Variants in ZNF385D observed in about 807,000 individuals in gnomAD.
The protein encoded by ZNF385D is zinc finger protein 385D, also known as zinc finger protein 659.
Under a neutral mutation model 35.8 loss-of-function variants are expected in ZNF385D, and 15 were observed. The ratio of observed to expected loss-of-function variants is 0.42; its 90% confidence interval spans 0.28 to 0.64. The LOEUF (loss-of-function observed/expected upper bound fraction) is 0.64. Ranked by LOEUF, ZNF385D falls within the 30% of genes least tolerant of loss-of-function variation. ZNF385D has a pLI of 0.23. For synonymous variants in ZNF385D, 212 were observed against 186.8 expected, an observed-to-expected ratio of 1.13 and a Z score of -1.10; for missense variants, 474 against 494.6, an observed-to-expected ratio of 0.96 and a Z score of 0.39.
intron 4 of ZNF385D, among the ~76,000 whole-genome samples, chr3:21,462,125 A>G (rs1413321653): frequency 6.6e-6 from 1 of 152,182 alleles, no homozygotes; most frequent in Non-Finnish European, 1.5e-5. Flanking sequence ...ATAATCCCTT[A>G]GACTAGAAAC....
chr3:22,244,968 T>G (rs1272802233), intron 2 of ZNF385D, among the ~76,000 whole-genome samples: 1 of 152,112 alleles, frequency 6.6e-6, no homozygotes, highest in African/African-American at 2.4e-5. Flanking sequence ...CATAGCCTGG[T>G]TCCAAATGGC....
intron 3 of ZNF385D, among the ~76,000 whole-genome samples, chr3:22,004,860 T>C (rs570362323): frequency 1.1e-4 from 16 of 152,128 alleles, no homozygotes; most frequent in Middle Eastern, 6.8e-3. Flanking sequence ...CTCACATATA[T>C]TGATTGATGT....
chr3:21,754,379 G>T (rs1212195742), upstream of ZNF385D, among the ~76,000 whole-genome samples: 2 of 152,128 alleles, frequency 1.3e-5, no homozygotes, highest in African/African-American at 4.8e-5. Context: ...TTCTGAAGGT[G>T]AATTAAGTCA....
chr3:21,732,567 C>G (rs2069070284), intron 1 of ZNF385D, among the ~76,000 whole-genome samples: 1 of 152,118 alleles, frequency 6.6e-6, no homozygotes, highest in African/African-American at 2.4e-5. Flanking sequence ...TGTCAGTGTT[C>G]TGGATTTTGA....
chr3:21,920,109 A>C (rs1207485221), intron 3 of ZNF385D, among the ~76,000 whole-genome samples: 1 of 152,222 alleles, frequency 6.6e-6, no homozygotes, highest in Admixed American at 6.5e-5. Context: ...GGTTAAAAGG[A>C]AACAAACAAA....
At chr3:21,431,306 A>G (rs1001574659) in intron 5 of ZNF385D, among the ~76,000 whole-genome samples, 6 of 152,156 alleles carry the variant, frequency 3.9e-5, no homozygotes, top group Non-Finnish European at 7.4e-5. Flanking sequence ...AAATTAGTAA[A>G]CCCTAAATGC....
chr3:21,447,970 C>A (rs1702245261), intron 4 of ZNF385D, among the ~76,000 whole-genome samples: 1 of 152,146 alleles, frequency 6.6e-6, no homozygotes, highest in African/African-American at 2.4e-5. Flanking sequence ...TAATTTAGAA[C>A]ATTATCCCAT....
At chr3:21,870,575 C>T (rs1257838964) in intron 3 of ZNF385D, among the ~76,000 whole-genome samples, 1 of 152,138 alleles carries the variant, frequency 6.6e-6, no homozygotes, top group African/African-American at 2.4e-5. Context: ...TATTTATGAT[C>T]AATAAATGTC....
intron 3 of ZNF385D, among the ~76,000 whole-genome samples, chr3:22,031,691 T>A (rs1164116405): frequency 6.6e-6 from 1 of 152,150 alleles, no homozygotes; most frequent in Non-Finnish European, 1.5e-5. Flanking sequence ...TTTTCCCCAT[T>A]GTGCTGGTTA....
At chr3:21,850,577 G>A (rs1439916419) in intron 3 of ZNF385D, among the ~76,000 whole-genome samples, 2 of 152,124 alleles carry the variant, frequency 1.3e-5, no homozygotes, top group East Asian at 3.9e-4. Context: ...TAAATTAAAT[G>A]ATTAAGGTAA....
At chr3:22,076,206 A>G (rs983431587) in intron 3 of ZNF385D, among the ~76,000 whole-genome samples, 2 of 151,872 alleles carry the variant, frequency 1.3e-5, no homozygotes, top group Admixed American at 6.6e-5. Context: ...CACCAATTCA[A>G]AAGTCCTCAT....
chr3:22,348,542 T>C (rs1695767280), intron 2 of ZNF385D, among the ~76,000 whole-genome samples: 1 of 148,124 alleles, frequency 6.8e-6, no homozygotes, highest in African/African-American at 2.5e-5. Flanking sequence ...TGCATGCCTG[T>C]AATCCCAGCT....
At chr3:21,999,413 T>C (rs74554400) in intron 3 of ZNF385D, among the ~76,000 whole-genome samples, 1 of 152,244 alleles carries the variant, frequency 6.6e-6, no homozygotes, top group East Asian at 1.9e-4. Context: ...TTAATATTGC[T>C]TGTTTGATTT....
Position 22,295,682 on chromosome 3 carries a change from C to T in ZNF385D, c.106+76768G>A, listed in dbSNP as rs573344191. Among the ~76,000 whole-genome samples the T allele has an allele frequency of 2.7e-4, 41 of 152,110 alleles. No individual in the cohort carries two copies. In the South Asian group the frequency reaches 7.5e-3, roughly 28 times the overall value. On this transcript the variant is annotated intron_variant, in intron 2 of 5. Coordinates refer to the ZNF385D transcript ENST00000494108. ...AAAAATATAAACATAAAAGAAAATC[C>T]GCCCCCTTTTGATTACTTTATATGC...
chr3:21,535,495 A>C (rs2062015901), intron 3 of ZNF385D, among the ~76,000 whole-genome samples: 1 of 152,164 alleles, frequency 6.6e-6, no homozygotes, highest in Non-Finnish European at 1.5e-5. Flanking sequence ...AAAAATGTAC[A>C]TCTCTATCTG....
At chr3:21,925,960 A>G (rs1362724251) in intron 3 of ZNF385D, among the ~76,000 whole-genome samples, 2 of 152,104 alleles carry the variant, frequency 1.3e-5, no homozygotes, top group Non-Finnish European at 2.9e-5. Context: ...ATGGCTAAGT[A>G]AAAAAATAGT....
chr3:22,171,258 T>C (rs1694402873), intron 2 of ZNF385D, among the ~76,000 whole-genome samples: 1 of 152,218 alleles, frequency 6.6e-6, no homozygotes, highest in Admixed American at 6.5e-5. Flanking sequence ...TTTTGCTAAA[T>C]GTATGCATAT....
intron 3 of ZNF385D, among the ~76,000 whole-genome samples, chr3:22,093,855 G>C (rs892954371): frequency 2.0e-5 from 3 of 152,070 alleles, no homozygotes; most frequent in African/African-American, 4.8e-5. Flanking sequence ...GTGCAGAAAA[G>C]TACACATACA....
intron 2 of ZNF385D, among the ~76,000 whole-genome samples, chr3:22,183,387 G>A (rs527335878): frequency 1.7e-3 from 258 of 152,106 alleles, no homozygotes; most frequent in Middle Eastern, 6.8e-3. Flanking sequence ...GTCTCACTCT[G>A]TCGCCCAGGC....
Sources: gnomAD v4.1 joint callset for allele counts (sites outside exome capture counted in the v4.1 genomes callset) on GRCh38, gnomAD v4.1.1 for gene constraint, MANE v1.5 for transcripts, NCBI Gene and HGNC (gene_info 2026-07-23, HGNC 2026-07-21) for gene names.